STAB1: variants seen among roughly 807,000 people sequenced by gnomAD.
STAB1 encodes the protein stabilin 1.
STAB1 carries 250 observed loss-of-function variants against 332.4 expected under a neutral mutation model. The observed-to-expected ratio is 0.75, with a 90% CI of 0.68 to 0.84. The LOEUF (loss-of-function observed/expected upper bound fraction) is 0.84. Ranked by LOEUF, STAB1 falls within the 40% of genes least tolerant of loss-of-function variation. The pLI, the probability that STAB1 is intolerant of heterozygous loss-of-function variation, is 0.00. For missense variants in STAB1, 3,249 were observed against 3,489.7 expected (o/e 0.93, Z 1.74); for synonymous variants, 1,475 against 1,390.4 (o/e 1.06, Z -1.35).
intron 1 of STAB1, among the ~76,000 whole-genome samples, chr3:52,497,980 G>A (rs942175264): frequency 1.3e-5 from 2 of 152,182 alleles, no homozygotes; most frequent in Non-Finnish European, 2.9e-5. Flanking sequence ...ACGTGGCTAG[G>A]TGTGTGCAGT....
In STAB1 at chr3:52,516,044, T is replaced by G; in HGVS notation, c.3950T>G (p.Val1317Gly). Reference sequence around the variant, plus strand: ...TCTCTCCCATCCCCACGCCGACAGGTGCCGGACTGCTGCCCTGGTTTCTTT... The same window carrying G: ...TCTCTCCCATCCCCACGCCGACAGGGGCCGGACTGCTGCCCTGGTTTCTTT... ...CSYTCAKKIQ[V>G]PDCCPGFFGT... The change falls in exon 38 of 69, where the codon GTG becomes GGG. Residue 1317 changes from valine (V) to glycine (G), a missense_variant and splice_region_variant. Coordinates refer to ENST00000321725, the MANE Select transcript of STAB1 (RefSeq NM_015136.3). 6.2e-7 allele frequency: 1 copy of G among 1,606,832 alleles called. No individual in the cohort carries two copies. The highest frequency in any genetic ancestry group is 1.1e-5 in the South Asian group (1 of 90,408).
chr3:52,514,457 C>T lies in STAB1; in HGVS notation c.3639C>T (p.Gly1213=), dbSNP rs1053020967. Residue 1213 remains glycine, a synonymous_variant, in exon 34 of 69, where the codon GGC becomes GGT. Transcript: ENST00000321725. ...GTGGACACCGCAACTCCCTCCTGGGCCCTGCCCACTGGATCGTCTTCTACA... is the reference window on the plus strand; with the variant it reads ...GTGGACACCGCAACTCCCTCCTGGGTCCTGCCCACTGGATCGTCTTCTACA... The part of the protein sequence containing the change: ...RKGGHRNSLL[G]PAHWIVFYNH... 6.5e-7 allele frequency: 1 copy of T among 1,545,744 alleles called. No individual in the cohort carries two copies. Among genetic ancestry groups the T allele is most frequent in the East Asian group, 2.3e-5 (1 of 44,312 alleles).
rs547381641 is a variant in STAB1, at chr3:52,522,662, T to C, written c.6718T>C (p.Phe2240Leu). The C allele has an allele frequency of 5.0e-6, 8 of 1,612,920 alleles. No homozygotes were observed. In the East Asian group the frequency reaches 1.6e-4, roughly 31 times the overall value. The change falls in exon 61 of 69, where the codon TTC becomes CTC. Residue 2240 changes from phenylalanine to leucine, a missense_variant. Physicochemically the swap from Phe to Leu is conservative, Grantham distance 22 (BLOSUM62 0). Coordinates refer to ENST00000321725, the MANE Select transcript of STAB1 (RefSeq NM_015136.3). ...AGCACAGGGAGCCGTCCTTGCTTCA[T>C]TCCCTCAGCTCTCTGCTGCCCAGCA... is the stretch of plus-strand genomic sequence containing the variant. Reference protein sequence around the residue: ...CEAQGAVLASFPQLSAAQQLG... With the variant: ...CEAQGAVLASLPQLSAAQQLG...
At position 52,507,600 on chromosome 3, in the gene STAB1, C is replaced by T. The variant is rs747565615; in HGVS notation, c.1990-13C>T. 1 of 1,612,712 alleles carries T rather than the reference C, an allele frequency of 6.2e-7. No individual in the cohort carries two copies. Among genetic ancestry groups the T allele is most frequent in the Non-Finnish European group, 8.5e-7 (1 of 1,179,350 alleles). ...ACTAACCCCTCTCCCCATCCTGCCC[C>T]TGCCCTGCCCAGGGCTCCTGTGTGG... On this transcript the variant is annotated splice_polypyrimidine_tract_variant and intron_variant, in intron 18 of 68. Coordinates refer to ENST00000321725, the MANE Select transcript of STAB1 (RefSeq NM_015136.3).
chr3:52,497,022 G>T (rs1373885786), intron 1 of STAB1, among the ~76,000 whole-genome samples: 1 of 152,076 alleles, frequency 6.6e-6, no homozygotes, highest in Non-Finnish European at 1.5e-5. Context: ...TTTCTTTTGA[G>T]GTGGAGTCTC....
At chr3:52,513,598 G>T (rs1709450711) in intron 30 of STAB1, 119 bp from the exon 31 acceptor site, 3 of 1,038,512 alleles carry the variant, frequency 2.9e-6, no homozygotes, top group Admixed American at 2.1e-5. Flanking sequence ...CAGCTTGTGG[G>T]CCAGCCTGCG....
rs201713438 is a variant in STAB1 at position 52,502,727 on chromosome 3, G to T, written c.583G>T (p.Glu195Ter). 1 of 1,612,992 alleles carries T rather than the reference G, an allele frequency of 6.2e-7. No individual in the cohort carries two copies. The highest frequency in any genetic ancestry group is 1.7e-5 in the Admixed American group (1 of 60,016). ...AGYTGPHCDQELPVCQELRCP... is the reference protein window; with the variant it reads ...AGYTGPHCDQ ...ATACACTGGCCCCCACTGTGATCAA[G>T]GTGAGCAGCGCCACTGGGATAGCCT... Residue 195 changes from glutamate to a stop codon, truncating the protein, a stop_gained and splice_region_variant, in exon 6 of 69, where the codon GAG (glutamate) becomes TAG (stop). Coordinates refer to ENST00000321725, the MANE Select transcript of STAB1 (RefSeq NM_015136.3). LOFTEE classifies it high-confidence loss of function.
Position 52,522,678 on chromosome 3 carries a change from C to A in STAB1, c.6734C>A (p.Ala2245Asp). The A allele has an allele frequency of 6.2e-7, 1 of 1,612,974 alleles. No homozygotes were observed. Among genetic ancestry groups the A allele is most frequent in the Non-Finnish European group, 8.5e-7 (1 of 1,180,038 alleles). ...CTTGCTTCATTCCCTCAGCTCTCTG[C>A]TGCCCAGCAGGTGTGTGGGGCCCAG... ...AVLASFPQLSAAQQLGFHLCL... is the reference protein window; with the variant it reads ...AVLASFPQLSDAQQLGFHLCL... The change falls in exon 61 of 69, where the codon GCT becomes GAT. Residue 2245 changes from alanine (A) to aspartate (D), a missense_variant. By Grantham distance (126) the Ala-to-Asp change is moderately radical. Coordinates refer to ENST00000321725, the MANE Select transcript of STAB1 (RefSeq NM_015136.3).
rs1286748788 is a variant in STAB1 at position 52,523,545 on chromosome 3, C to T, written c.7259C>T (p.Ala2420Val). Residue 2420 changes from alanine (A) to valine (V), a missense_variant, in exon 65 of 69, where the codon GCA becomes GTA. Physicochemically the swap from Ala to Val is moderately conservative, Grantham distance 64. Transcript: ENST00000321725. Reference protein sequence around the residue: ...HSGLSLIISDAGPDNSSWAPV... With the variant: ...HSGLSLIISDVGPDNSSWAPV... ...GGCCTCAGCCTCATCATCAGTGACG[C>T]AGGCCCTGACAACAGTTCCTGGGCC... 1.9e-6 allele frequency: 3 copies of T among 1,612,890 alleles called. No homozygotes were observed. The highest frequency in any genetic ancestry group is 1.7e-5 in the Admixed American group (1 of 60,030).
chr3:52,506,839 A>T lies in STAB1; in HGVS notation c.1978A>T (p.Lys660Ter). Residue 660 changes from lysine to a stop codon, truncating the protein, a stop_gained, in exon 18 of 69, where the codon AAG becomes TAG. Coordinates refer to ENST00000321725, the MANE Select transcript of STAB1 (RefSeq NM_015136.3). LOFTEE classifies it high-confidence loss of function. ...LPKHCSEEQH[K>*]IVAGSCVDCQ... is the part of the protein sequence containing the mutation. ...CAAGCACTGCAGCGAGGAGCAGCAC[A>T]AGATTGTGGCGGTGAGCCTCGCCTG... 1 of 1,613,000 alleles carries T rather than the reference A, an allele frequency of 6.2e-7. No homozygotes were observed. The highest frequency in any genetic ancestry group is 2.2e-5 in the East Asian group (1 of 44,882).
Position 52,511,862 on chromosome 3 carries a change from T to A in STAB1, c.2883+117T>A, listed in dbSNP as rs879694213. On this transcript the variant is annotated intron_variant, in intron 26 of 68. Coordinates refer to ENST00000321725, the MANE Select transcript of STAB1 (RefSeq NM_015136.3). Reference sequence around the variant, plus strand: ...TCTCTGTACCCCCTCAGGATTAAGATCTTTCTAAACTTCAAATCCAACCAT... The same window carrying A: ...TCTCTGTACCCCCTCAGGATTAAGAACTTTCTAAACTTCAAATCCAACCAT... 3.7e-5 allele frequency: 31 copies of A among 835,894 alleles called. 1 individual carries two copies. The Admixed American group carries it at 4.5e-4, about 12-fold the overall frequency. 51.8% of individuals were successfully genotyped at this position (835,894 alleles called of 1,614,324 possible). A position where few individuals can be genotyped will look rare whatever the true frequency, so the allele number is the denominator to read the frequency against.
chr3:52,502,095 A>C lies in STAB1; in HGVS notation c.417+4A>C, dbSNP rs1358667427. On this transcript the variant is annotated splice_donor_region_variant and intron_variant, in intron 4 of 68. Coordinates refer to ENST00000321725, the MANE Select transcript of STAB1 (RefSeq NM_015136.3). ...GAATGGGACCTGTGTGTGCCAGGTAAGGGCTGGGCAAGGTGGGGTGGAGGC... is the reference window on the plus strand; with the variant it reads ...GAATGGGACCTGTGTGTGCCAGGTACGGGCTGGGCAAGGTGGGGTGGAGGC... The C allele has an allele frequency of 6.2e-7, 1 of 1,613,640 alleles. No homozygotes were observed. The highest frequency in any genetic ancestry group is 2.2e-5 in the East Asian group (1 of 44,866).
chr3:52,495,830 G>T (rs1707978859), intron 1 of STAB1, among the ~76,000 whole-genome samples: 3 of 152,210 alleles, frequency 2.0e-5, no homozygotes, highest in Admixed American at 2.0e-4. Flanking sequence ...TCACCTGGGG[G>T]TTGAAGATGT....
Position 52,514,449 on chromosome 3 carries a change from C to T in STAB1, c.3631C>T (p.Leu1211Phe), listed in dbSNP as rs149829059. 320 of 1,549,030 alleles carry T rather than the reference C, an allele frequency of 2.1e-4. No individual in the cohort carries two copies. Among genetic ancestry groups the T allele is most frequent in the Middle Eastern group, 5.2e-4 (3 of 5,742 alleles). The change falls in exon 34 of 69, where the codon CTC (leucine) becomes TTC (phenylalanine). Residue 1211 changes from leucine (L) to phenylalanine (F), a missense_variant. By Grantham distance (22) the Leu-to-Phe change is conservative. Transcript: ENST00000321725. ...GCGGAAGGGTGGACACCGCAACTCC[C>T]TCCTGGGCCCTGCCCACTGGATCGT... is the stretch of plus-strand genomic sequence containing the variant. ...TLRKGGHRNS[L>F]LGPAHWIVFY...
In STAB1 at chr3:52,504,504, C is replaced by A. The variant is rs113269624; in HGVS notation, c.1194C>A (p.Thr398=). The stretch of plus-strand genomic sequence containing the variant: ...TCCTTACCACAGCGGGCCCTTTCAC[C>A]GTGCTGGTGCCATCCGTCTCCTCCT... ...REILTTAGPF[T]VLVPSVSSFS... Residue 398 remains threonine (T), a synonymous_variant, in exon 11 of 69, where the codon ACC becomes ACA. Transcript: ENST00000321725. 3 of 1,614,090 alleles carry A rather than the reference C, an allele frequency of 1.9e-6. No homozygotes were observed. Among genetic ancestry groups the A allele is most frequent in the Admixed American group, 3.3e-5 (2 of 60,026 alleles).
chr3:52,504,491 CG>C lies in STAB1; in HGVS notation c.1184del (p.Gly395AlafsTer18), dbSNP rs1397336894. 4 of 1,613,934 alleles carry C rather than the reference CG, an allele frequency of 2.5e-6. No individual in the cohort carries two copies. Among genetic ancestry groups the C allele is most frequent in the Admixed American group, 1.7e-5 (1 of 60,002 alleles). On this transcript the variant is annotated frameshift_variant, in exon 11 of 69. Transcript: ENST00000321725. LOFTEE classifies it high-confidence loss of function. ...GGCTGCCGGGAAATCCTTACCACAGCGGGCCCTTTCACCGTGCTGGTGCCAT... is the reference window on the plus strand; with the variant it reads ...GGCTGCCGGGAAATCCTTACCACAGCGGCCCTTTCACCGTGCTGGTGCCAT... ...DQGCREILTTAGPFTVLVPSV... is the reference protein window; with the variant it reads ...DQGCREILTTXGPFTVLVPSV...
chr3:52,522,921 C>T lies in STAB1; in HGVS notation c.6891C>T (p.Ala2297=). Residue 2297 remains alanine (A), a synonymous_variant, in exon 62 of 69, where the codon GCC becomes GCT. Coordinates refer to ENST00000321725, the MANE Select transcript of STAB1 (RefSeq NM_015136.3). ...AGAACCTCTCAGAACGCTGGGATGC[C>T]TACTGCTTCCGTGTGCAAGGTGTGT... ...ARKNLSERWD[A]YCFRVQDVAC... The T allele has an allele frequency of 6.2e-7, 1 of 1,613,300 alleles. No individual in the cohort carries two copies. The highest frequency in any genetic ancestry group is 1.3e-5 in the African/African-American group (1 of 75,066).
chr3:52,515,981 C>A, intron 37 of STAB1, 62 bp from the exon 38 acceptor site: 2 of 1,490,624 alleles, frequency 1.3e-6, no homozygotes, highest in Non-Finnish European at 1.8e-6. Context: ...TGCCCCCGTT[C>A]CCCTTCCCCC....
intron 59 of STAB1, 41 bp downstream of exon 59, chr3:52,522,271 C>T: frequency 6.2e-7 from 1 of 1,611,308 alleles, no homozygotes; most frequent in East Asian, 2.2e-5. Context: ...GTGGGGAGGC[C>T]TGGCAGAACT....
Sources: allele counts gnomAD v4.1 joint callset (sites outside exome capture counted in the v4.1 genomes callset), GRCh38; gene constraint gnomAD v4.1.1; transcripts MANE v1.5; gene names NCBI Gene and HGNC (gene_info 2026-07-23, HGNC 2026-07-21).